The following CCDC91 variants were observed in gnomAD, a reference collection of about 807,000 sequenced individuals.
The protein encoded by CCDC91 is coiled-coil domain-containing protein 91.
CCDC91 carries 48 observed loss-of-function variants against 63.2 expected under a neutral mutation model. The observed-to-expected ratio is 0.76, with a 90% confidence interval of 0.60 to 0.97. The LOEUF (loss-of-function observed/expected upper bound fraction) is 0.97. Ranked by LOEUF, CCDC91 falls within the 50% of genes least tolerant of loss-of-function variation. The probability of loss-of-function intolerance (pLI) is 0.00; values close to 1 mark genes in which losing one functional copy is unlikely to be tolerated. For synonymous variants in CCDC91, 167 were observed against 165.8 expected (o/e 1.01, Z -0.06); for missense variants, 500 against 494.6 (o/e 1.01, Z -0.10).
chr12:28,468,620 CCAAA>C (rs1404025621), intron 11 of CCDC91, among the ~76,000 whole-genome samples: 7 of 151,952 alleles, frequency 4.6e-5, no homozygotes, highest in African/African-American at 7.2e-5. Context: ...AATATCAAAA[CCAAA>C]CAAAGACACC....
chr12:28,459,379 T>G (rs1950201254), intron 11 of CCDC91, among the ~76,000 whole-genome samples: 1 of 152,124 alleles, frequency 6.6e-6, no homozygotes, highest in Admixed American at 6.6e-5. Context: ...CAAACTGCAA[T>G]AGATTATAAT....
At chr12:28,534,935 A>G (rs1273716345) in intron 12 of CCDC91, among the ~76,000 whole-genome samples, 1 of 152,180 alleles carries the variant, frequency 6.6e-6, no homozygotes, top group Non-Finnish European at 1.5e-5. Flanking sequence ...AAAAGACTAT[A>G]TTTTTGGTAA....
At chr12:28,228,912 ATATGAT>A (rs1944429687) in intron 1 of CCDC91, among the ~76,000 whole-genome samples, 1 of 152,182 alleles carries the variant, frequency 6.6e-6, no homozygotes. Flanking sequence ...TTTTGTACAT[ATATGAT>A]TATAACAATA....
chr12:28,466,285 A>G (rs573408518), intron 11 of CCDC91, among the ~76,000 whole-genome samples: 5 of 152,326 alleles, frequency 3.3e-5, no homozygotes, highest in African/African-American at 1.2e-4. Context: ...AGATGGGGAT[A>G]GAAAGTTTAT....
chr12:28,218,699 T>TTGTGTGTGTG (rs60247849), intron 1 of CCDC91, among the ~76,000 whole-genome samples: 1 of 146,526 alleles, frequency 6.8e-6, no homozygotes, highest in Non-Finnish European at 1.5e-5. Context: ...TTGCAGATGT[T>TTGTGTGTGTG]TGTGTGTGTG....
At chr12:28,390,603 T>C (rs1945871744) in intron 7 of CCDC91, among the ~76,000 whole-genome samples, 1 of 152,184 alleles carries the variant, frequency 6.6e-6, no homozygotes, top group African/African-American at 2.4e-5. Context: ...GAAACAGTGG[T>C]AATATCTTTA....
At chr12:28,384,021 A>G (rs1379991312) in intron 7 of CCDC91, among the ~76,000 whole-genome samples, 3 of 152,198 alleles carry the variant, frequency 2.0e-5, no homozygotes, top group Admixed American at 2.0e-4. Context: ...ATATTTAATT[A>G]AGCCAAGAGC....
intron 6 of CCDC91, among the ~76,000 whole-genome samples, chr12:28,328,598 A>G (rs1317102789): frequency 2.0e-5 from 3 of 152,168 alleles, no homozygotes; most frequent in Non-Finnish European, 4.4e-5. Flanking sequence ...ATGATCCCTT[A>G]AAATTTGGGT....
intron 12 of CCDC91, among the ~76,000 whole-genome samples, chr12:28,519,020 C>A (rs1292672965): frequency 1.3e-5 from 2 of 151,782 alleles, no homozygotes; most frequent in African/African-American, 2.4e-5. Context: ...CTTGCTTTGG[C>A]TATACAGGCT....
At chr12:28,426,413 C>T (rs1369302966) in intron 8 of CCDC91, among the ~76,000 whole-genome samples, 1 of 152,116 alleles carries the variant, frequency 6.6e-6, no homozygotes, top group Non-Finnish European at 1.5e-5. Context: ...AGTTCTGCTT[C>T]ATTCTTCTTT....
chr12:28,411,625 T>G (rs1183987306), intron 8 of CCDC91, among the ~76,000 whole-genome samples: 5 of 152,190 alleles, frequency 3.3e-5, no homozygotes, highest in Non-Finnish European at 7.4e-5. Flanking sequence ...CCATAATTGT[T>G]TAGTATAGTC....
chr12:28,542,888 A>G (rs1296879444), intron 12 of CCDC91, among the ~76,000 whole-genome samples: 1 of 152,080 alleles, frequency 6.6e-6, no homozygotes, highest in African/African-American at 2.4e-5. Flanking sequence ...GACCTTAACA[A>G]TCTGGAAAAT....
At chr12:28,457,780 A>G (rs2140414958) in intron 11 of CCDC91, among the ~76,000 whole-genome samples, 2 of 152,072 alleles carry the variant, frequency 1.3e-5, no homozygotes, top group South Asian at 4.2e-4. Context: ...AAAATTTATG[A>G]CCCTGGCTTA....
intron 12 of CCDC91, among the ~76,000 whole-genome samples, chr12:28,527,804 C>T (rs1353434895): frequency 6.6e-6 from 1 of 152,068 alleles, no homozygotes; most frequent in Non-Finnish European, 1.5e-5. Flanking sequence ...GTGAGGTTCC[C>T]ACGTCAGTGG....
At chr12:28,545,100 G>A (rs774418954) in intron 12 of CCDC91, among the ~76,000 whole-genome samples, 24 of 151,984 alleles carry the variant, frequency 1.6e-4, no homozygotes, top group Middle Eastern at 3.4e-3. Context: ...AAAACAAATC[G>A]GTTAGAGCTA....
intron 7 of CCDC91, among the ~76,000 whole-genome samples, chr12:28,385,258 C>A (rs1294371493): frequency 6.6e-6 from 1 of 152,118 alleles, no homozygotes; most frequent in African/African-American, 2.4e-5. Flanking sequence ...CTATTATCCT[C>A]AAGCTAAACT....
chr12:28,412,813 C>T (rs750968875), intron 8 of CCDC91: 127 of 453,366 alleles, frequency 2.8e-4, no homozygotes, highest in Admixed American at 1.5e-3. Flanking sequence ...CTGATTGGTG[C>T]GTTTTACAGA....
rs1949858677 is a variant in CCDC91, at chr12:28,452,528, AAG to A, written c.977_978del (p.Arg326LysfsTer9). 1 of 1,589,202 alleles carries A rather than the reference AAG, an allele frequency of 6.3e-7. No homozygotes were observed. ...CAGTTTTAAAAGTCGTAGAAGAAGAAAGAAAAAATTTAGAAAAAGCGCATGCT... is the reference window on the plus strand; with the variant it reads ...CAGTTTTAAAAGTCGTAGAAGAAGAAAAAAAATTTAGAAAAAGCGCATGCT... Reference protein sequence around the residue: ...DAVLKVVEEERKNLEKAHAEE... With the variant: ...DAVLKVVEEEXKNLEKAHAEE... On this transcript the variant is annotated frameshift_variant, in exon 11 of 13. Coordinates refer to ENST00000536442, the MANE Select transcript of CCDC91 (RefSeq NM_018318.5). LOFTEE classifies it high-confidence loss of function.
In CCDC91 at chr12:28,396,586, A is replaced by G. The variant is rs1414665084; in HGVS notation, c.762+5175A>G. On this transcript the variant is annotated intron_variant, in intron 8 of 12. Coordinates refer to ENST00000536442, the MANE Select transcript of CCDC91 (RefSeq NM_018318.5). Reference sequence around the variant, plus strand: ...TTTGAGTGATATTAAGGGAAGAGAAACCGGAGACTTTGTGGGAATACAAGA... The same window carrying G: ...TTTGAGTGATATTAAGGGAAGAGAAGCCGGAGACTTTGTGGGAATACAAGA... Among the ~76,000 whole-genome samples the G allele has an allele frequency of 1.1e-4, 16 of 151,858 alleles. No homozygotes were observed. In the East Asian group the frequency reaches 2.7e-3, roughly 26 times the overall value.
Sources: gnomAD v4.1 joint callset for allele counts (sites outside exome capture counted in the v4.1 genomes callset) on GRCh38, gnomAD v4.1.1 for gene constraint, MANE v1.5 for transcripts, NCBI Gene and HGNC (gene_info 2026-07-23, HGNC 2026-07-21) for gene names.